Variants in DYM observed in about 807,000 individuals in gnomAD.
DYM encodes dymeclin.
Under a neutral mutation model 93.1 loss-of-function variants are expected in DYM, and 78 were observed. The observed-to-expected ratio is 0.84, with a 90% CI of 0.70 to 1.01. The LOEUF is 1.01. DYM is among the 50% of genes least tolerant of loss of function. The pLI, the probability that DYM is intolerant of heterozygous loss-of-function variation, is 0.00. For synonymous variants in DYM, 321 were observed against 319.7 expected (o/e 1.00, Z -0.04); for missense variants, 789 against 845.0 (o/e 0.93, Z 0.82).
intron 2 of DYM, among the ~76,000 whole-genome samples, 189 bp from the exon 3 acceptor site, chr18:49,391,834 G>A (rs912049454): frequency 2.0e-5 from 3 of 152,068 alleles, no homozygotes; most frequent in African/African-American, 7.2e-5. Context: ...GAAATTTACT[G>A]TATTTCTAAA....
intron 14 of DYM, among the ~76,000 whole-genome samples, chr18:49,184,307 G>A (rs947359072): frequency 6.6e-5 from 10 of 151,342 alleles, no homozygotes; most frequent in African/African-American, 2.4e-4. Context: ...AAAGAGTATT[G>A]TCACTTCATC....
intron 14 of DYM, among the ~76,000 whole-genome samples, chr18:49,187,852 C>T (rs2090597180): frequency 6.6e-6 from 1 of 152,094 alleles, no homozygotes; most frequent in Non-Finnish European, 1.5e-5. Flanking sequence ...ATACATATGG[C>T]TTCTTTATGC....
chr18:49,377,238 T>G (rs773243577), intron 5 of DYM, among the ~76,000 whole-genome samples: 5 of 152,184 alleles, frequency 3.3e-5, no homozygotes, highest in Admixed American at 2.6e-4. Flanking sequence ...TTCCACAGAA[T>G]CTTTTCTACT....
chr18:49,403,267 A>G (rs1221921388), intron 2 of DYM, among the ~76,000 whole-genome samples: 2 of 152,226 alleles, frequency 1.3e-5, no homozygotes, highest in African/African-American at 2.4e-5. Flanking sequence ...AAGCAGCTCT[A>G]TTAAACAACT....
At chr18:49,053,373 G>A (rs1379319013) in intron 17 of DYM, among the ~76,000 whole-genome samples, 1 of 152,130 alleles carries the variant, frequency 6.6e-6, no homozygotes, top group African/African-American at 2.4e-5. Flanking sequence ...TCCACCTAAA[G>A]ATGATATAAG....
At chr18:49,337,906 G>T (rs550849463) in intron 6 of DYM, among the ~76,000 whole-genome samples, 2 of 152,102 alleles carry the variant, frequency 1.3e-5, no homozygotes, top group East Asian at 3.9e-4. Context: ...GCCACAAAAA[G>T]GTCTGGTAGT....
chr18:49,350,631 G>C, intron 6 of DYM, among the ~76,000 whole-genome samples: 1 of 151,456 alleles, frequency 6.6e-6, no homozygotes, highest in East Asian at 1.9e-4. Context: ...ATTTAAACCT[G>C]GGAGGCGGAG....
intron 17 of DYM, among the ~76,000 whole-genome samples, chr18:49,096,696 G>A (rs1229740385): frequency 6.6e-6 from 1 of 152,144 alleles, no homozygotes; most frequent in Non-Finnish European, 1.5e-5. Context: ...GTTTTATATT[G>A]TGAGACTGCT....
chr18:49,270,067 C>T (rs2094651154), intron 11 of DYM, among the ~76,000 whole-genome samples: 1 of 152,194 alleles, frequency 6.6e-6, no homozygotes, highest in African/African-American at 2.4e-5. Flanking sequence ...CAACGCTGTA[C>T]TGGTTTGTGG....
At chr18:49,066,424 G>GAAACATGTTGGGTTTGGCTGTGATTC (rs2076392101) in intron 17 of DYM, among the ~76,000 whole-genome samples, 3 of 152,206 alleles carry the variant, frequency 2.0e-5, no homozygotes, top group Admixed American at 2.0e-4. Context: ...ATGTGAGATT[G>GAAACATGTTGGGTTTGGCTGTGATTC]AAACATGTTG....
intron 17 of DYM, among the ~76,000 whole-genome samples, chr18:49,094,593 GT>G (rs2079377091): frequency 6.6e-6 from 1 of 152,150 alleles, no homozygotes; most frequent in Non-Finnish European, 1.5e-5. Flanking sequence ...GAACAGCCAA[GT>G]TGTTTAACTA....
chr18:49,305,521 C>T (rs1166029174), intron 8 of DYM, among the ~76,000 whole-genome samples: 4 of 151,044 alleles, frequency 2.6e-5, no homozygotes, highest in Non-Finnish European at 4.4e-5. Context: ...CTTGTCTTTC[C>T]ACCTTAAAAT....
intron 13 of DYM, among the ~76,000 whole-genome samples, chr18:49,231,497 C>G (rs1199129633): frequency 6.6e-6 from 1 of 152,212 alleles, no homozygotes. Flanking sequence ...ATGGTGCCTC[C>G]AAAGGTATGC....
At chr18:49,044,327 G>T in intron 17 of DYM, 123 bp from the exon 18 acceptor site, 1 of 1,016,170 alleles carries the variant, frequency 9.8e-7, no homozygotes, top group South Asian at 1.3e-5. Context: ...CTGGTCACAG[G>T]GCATGAAAGC....
At chr18:49,436,246 C>T (rs910739830) in intron 1 of DYM, among the ~76,000 whole-genome samples, 3 of 152,146 alleles carry the variant, frequency 2.0e-5, no homozygotes, top group African/African-American at 7.2e-5. Context: ...AATCTCCTGG[C>T]CTCAAGAGAC....
intron 2 of DYM, among the ~76,000 whole-genome samples, chr18:49,409,333 T>TA (rs2071933316): frequency 6.8e-6 from 1 of 147,372 alleles, no homozygotes; most frequent in African/African-American, 2.5e-5. Flanking sequence ...AAATATTAAA[T>TA]AAAAAATTCT....
intron 1 of DYM, among the ~76,000 whole-genome samples, chr18:49,458,721 C>G (rs1483362286): frequency 6.6e-6 from 1 of 152,128 alleles, no homozygotes; most frequent in Non-Finnish European, 1.5e-5. Flanking sequence ...TGCCTGTAAT[C>G]CCAGCTACTC....
intron 10 of DYM, among the ~76,000 whole-genome samples, chr18:49,278,317 G>T (rs905618508): frequency 6.6e-6 from 1 of 152,184 alleles, no homozygotes; most frequent in East Asian, 1.9e-4. Context: ...CTGCGATATT[G>T]TGCAGGCTCA....
intron 8 of DYM, among the ~76,000 whole-genome samples, chr18:49,295,272 TC>T (rs1488410617): frequency 6.6e-6 from 1 of 152,172 alleles, no homozygotes; most frequent in Non-Finnish European, 1.5e-5. Context: ...CTACTTGACC[TC>T]CATACCATGC....
Sources: gnomAD v4.1 joint callset for allele counts (sites outside exome capture counted in the v4.1 genomes callset) on GRCh38, gnomAD v4.1.1 for gene constraint, MANE v1.5 for transcripts, NCBI Gene and HGNC (gene_info 2026-07-23, HGNC 2026-07-21) for gene names.